The following CUBN variants were observed in gnomAD, a reference collection of about 807,000 sequenced individuals.
CUBN encodes the protein cubilin.
Under a neutral mutation model 405.3 loss-of-function variants are expected in CUBN, and 282 were observed. That is an observed-to-expected ratio of 0.70 (90% confidence interval 0.63 to 0.77). The LOEUF (loss-of-function observed/expected upper bound fraction) is 0.77. Among genes scored for constraint, CUBN ranks in the 30% least tolerant of loss-of-function variants. The pLI, the probability that CUBN is intolerant of heterozygous loss-of-function variation, is 0.00. For synonymous variants in CUBN, 1,684 were observed against 1,617.0 expected (o/e 1.04, Z -0.99); for missense variants, 4,514 against 4,475.2 (o/e 1.01, Z -0.25).
chr10:16,879,532 G>C lies in CUBN; in HGVS notation c.8906-2435C>G, dbSNP rs543774973. Among the ~76,000 whole-genome samples the C allele has an allele frequency of 2.6e-4, 39 of 152,276 alleles. 1 individual carries two copies. The highest frequency in any genetic ancestry group is 1.5e-3 in the Admixed American group (23 of 15,290). On this transcript the variant is annotated intron_variant, in intron 56 of 66. Transcript: ENST00000377833. The stretch of plus-strand genomic sequence containing the variant: ...GGTGGACTCTGAAATCAGACATCCT[G>C]TTTGCTGTTTGCTGTTAGAATACTC...
chr10:16,961,746 C>G (rs968419227), intron 31 of CUBN, among the ~76,000 whole-genome samples: 4 of 113,598 alleles, frequency 3.5e-5, no homozygotes, highest in African/African-American at 3.5e-5. Context: ...GAGTCTCGCT[C>G]TGTGGCCCAG....
At chr10:16,840,083 G>A (rs1455636980) in intron 62 of CUBN, among the ~76,000 whole-genome samples, 1 of 117,752 alleles carries the variant, frequency 8.5e-6, no homozygotes, top group Non-Finnish European at 1.7e-5. Flanking sequence ...GGGGAAGAGG[G>A]GAGGGGGGAG....
At chr10:17,110,685 G>A (rs531663593) in intron 9 of CUBN, among the ~76,000 whole-genome samples, 67 of 152,100 alleles carry the variant, frequency 4.4e-4, no homozygotes, top group Admixed American at 3.9e-4. Flanking sequence ...GCACCACCAT[G>A]CCCAGCTAAT....
intron 4 of CUBN, among the ~76,000 whole-genome samples, chr10:17,125,151 AGTT>A (rs1837146276): frequency 6.6e-6 from 1 of 152,066 alleles, no homozygotes; most frequent in Admixed American, 6.5e-5. Flanking sequence ...GCTTTTAAAA[AGTT>A]AAAATAGGGG....
Position 16,900,843 on chromosome 10 carries a change from A to C in CUBN, c.8192T>G (p.Phe2731Cys). 1 of 1,611,790 alleles carries C rather than the reference A, an allele frequency of 6.2e-7. No homozygotes were observed. Among genetic ancestry groups the C allele is most frequent in the Non-Finnish European group, 8.5e-7 (1 of 1,178,412 alleles). The change falls in exon 53 of 67, where the codon TTT (phenylalanine) becomes TGT (cysteine). Residue 2731 changes from phenylalanine to cysteine, a missense_variant. Transcript: ENST00000377833. ...APQGHTITLT[F>C]SDFDIEPHTT... Reference sequence around the variant, plus strand: ...ATGGGGTTCAATATCAAAGTCACTAAATGTGAGCTGCAGGAGAAAAAAGAA... The same window carrying C: ...ATGGGGTTCAATATCAAAGTCACTACATGTGAGCTGCAGGAGAAAAAAGAA...
Position 17,012,841 on chromosome 10 carries a change from G to A in CUBN, c.4168+6992C>T, listed in dbSNP as rs900710768. Among the ~76,000 whole-genome samples, 4 of 152,290 alleles carry A rather than the reference G, an allele frequency of 2.6e-5. No homozygotes were observed. The Middle Eastern group carries it at 0.014, about 518-fold the overall frequency. ...TAAGAGTTTCCTGAATACCCATTGT[G>A]TCTTTTTCCTTAATCACCTGGGAGG... On this transcript the variant is annotated intron_variant, in intron 28 of 66. Coordinates refer to ENST00000377833, the MANE Select transcript of CUBN (RefSeq NM_001081.4).
intron 28 of CUBN, among the ~76,000 whole-genome samples, chr10:17,013,443 T>C (rs919596185): frequency 6.6e-6 from 1 of 152,150 alleles, no homozygotes; most frequent in African/African-American, 2.4e-5. Flanking sequence ...ACTTTCTGTC[T>C]CTTTCTTTCC....
chr10:17,099,092 C>G (rs1397394172), intron 14 of CUBN, among the ~76,000 whole-genome samples: 1 of 151,946 alleles, frequency 6.6e-6, no homozygotes, highest in Non-Finnish European at 1.5e-5. Context: ...TTGAAAAGAA[C>G]AAAGTTGAAA....
At chr10:17,076,926 T>G (rs1835867003) in intron 17 of CUBN, among the ~76,000 whole-genome samples, 1 of 152,184 alleles carries the variant, frequency 6.6e-6, no homozygotes, top group South Asian at 2.1e-4. Context: ...TTTGTTATTG[T>G]TTTTGATTTT....
chr10:16,888,258 T>TC (rs1437321460), intron 56 of CUBN, among the ~76,000 whole-genome samples, 159 bp downstream of exon 56: 2 of 152,144 alleles, frequency 1.3e-5, no homozygotes, highest in Admixed American at 1.3e-4. Flanking sequence ...TTAAATGCTC[T>TC]CCCCACAAAA....
In CUBN at chr10:16,940,129, A is replaced by T; in HGVS notation, c.5451T>A (p.Pro1817=). The change falls in exon 37 of 67, where the codon CCT becomes CCA. Residue 1817 remains proline (P), a synonymous_variant. Transcript: ENST00000377833. ...GTCCAACGATGGAAGAATAATTGAGAGGGAAGGAGTTTCCACAGTATCGTC... is the reference window on the plus strand; with the variant it reads ...GTCCAACGATGGAAGAATAATTGAGTGGGAAGGAGTTTCCACAGTATCGTC... ...LVGRYCGNSF[P]LNYSSIVGHT... 1.2e-6 allele frequency: 2 copies of T among 1,614,124 alleles called. No individual in the cohort carries two copies. The highest frequency in any genetic ancestry group is 1.7e-6 in the Non-Finnish European group (2 of 1,179,966).
At chr10:17,039,633 A>G (rs1266144408) in intron 27 of CUBN, among the ~76,000 whole-genome samples, 1 of 152,212 alleles carries the variant, frequency 6.6e-6, no homozygotes, top group Non-Finnish European at 1.5e-5. Flanking sequence ...TAGTATCTTA[A>G]TGATACCATC....
rs1420106663 is a variant in CUBN, at chr10:16,902,250, G to A, written c.8063-791C>T. Reference sequence around the variant, plus strand: ...ATGTATATATATACTATATATATTTGTATATATAGTATATATATATTTGTA... The same window carrying A: ...ATGTATATATATACTATATATATTTATATATATAGTATATATATATTTGTA... On this transcript the variant is annotated intron_variant, in intron 51 of 66. Transcript: ENST00000377833. 9.4e-5 allele frequency among the ~76,000 whole-genome samples: 12 copies of A among 127,016 alleles called. No individual in the cohort carries two copies. In the Admixed American group the frequency reaches 9.5e-4, roughly 10 times the overall value. 83.3% of individuals were successfully genotyped at this position (127,016 alleles called of 152,430 possible). A position where few individuals can be genotyped will look rare whatever the true frequency, so the allele number is the denominator to read the frequency against.
At chr10:17,046,288 A>G (rs944882319) in intron 23 of CUBN, among the ~76,000 whole-genome samples, 194 bp from the exon 24 acceptor site, 3 of 152,196 alleles carry the variant, frequency 2.0e-5, no homozygotes, top group African/African-American at 7.2e-5. Context: ...TGAATGACTT[A>G]ACAAAGAATA....
At chr10:16,995,876 A>G (rs1415904733) in intron 28 of CUBN, among the ~76,000 whole-genome samples, 1 of 152,198 alleles carries the variant, frequency 6.6e-6, no homozygotes, top group Non-Finnish European at 1.5e-5. Flanking sequence ...GAAATTAATC[A>G]TGACAACGGG....
intron 62 of CUBN, among the ~76,000 whole-genome samples, chr10:16,838,902 T>TC (rs1395193677): frequency 1.3e-5 from 2 of 152,194 alleles, no homozygotes; most frequent in Non-Finnish European, 2.9e-5. Flanking sequence ...AGCCTTGGCC[T>TC]CCCAAAGTGC....
intron 49 of CUBN, among the ~76,000 whole-genome samples, chr10:16,907,167 A>G (rs1408483082): frequency 2.0e-5 from 3 of 152,064 alleles, no homozygotes; most frequent in African/African-American, 7.2e-5. Context: ...AGACTAAGTT[A>G]CCCTCTAGGA....
At chr10:16,999,112 T>A (rs1833811571) in intron 28 of CUBN, among the ~76,000 whole-genome samples, 1 of 152,160 alleles carries the variant, frequency 6.6e-6, no homozygotes, top group African/African-American at 2.4e-5. Flanking sequence ...ACAAGAAGCT[T>A]AGAAATCAAT....
At chr10:16,929,790 C>A (rs1013418115) in intron 40 of CUBN, among the ~76,000 whole-genome samples, 1 of 152,090 alleles carries the variant, frequency 6.6e-6, no homozygotes, top group Non-Finnish European at 1.5e-5. Flanking sequence ...TCTCTGATTA[C>A]CTGTACTACA....
Sources: allele counts gnomAD v4.1 joint callset (sites outside exome capture counted in the v4.1 genomes callset), GRCh38; gene constraint gnomAD v4.1.1; transcripts MANE v1.5; gene names NCBI Gene and HGNC (gene_info 2026-07-23, HGNC 2026-07-21).